The following ASXL3 variants were observed in gnomAD, a reference collection of about 807,000 sequenced individuals.
ASXL3 encodes ASXL transcriptional regulator 3.
In ASXL3, 34 loss-of-function variants were observed where a neutral mutation model predicts 170.6. The ratio of observed to expected loss-of-function variants is 0.20; its 90% CI spans 0.15 to 0.27. The LOEUF is 0.27. ASXL3 is among the 10% of genes least tolerant of loss of function. The pLI, the probability that ASXL3 is intolerant of heterozygous loss-of-function variation, is 1.00. For missense variants in ASXL3, 2,592 were observed against 2,695.3 expected (o/e 0.96, Z 0.85); for synonymous variants, 1,002 against 989.1 (o/e 1.01, Z -0.24).
At position 33,734,516 on chromosome 18, in the gene ASXL3, C is replaced by T. The variant is rs1599557637; in HGVS notation, c.1082+101C>T. ...TCATATGCTGTAAAACTTAATAAAC[C>T]TGTGATAAAAGGCAATAGTCCCTCA... is the stretch of plus-strand genomic sequence containing the variant. On this transcript the variant is annotated intron_variant, in intron 10 of 11. Transcript: ENST00000269197. The T allele has an allele frequency of 7.8e-6, 5 of 644,102 alleles. No individual in the cohort carries two copies. In the East Asian group the frequency reaches 9.9e-5, roughly 13 times the overall value. The allele number at this position is 644,102 out of a possible 1,614,324, so 39.9% of individuals were successfully genotyped here. A position where few individuals can be genotyped will look rare whatever the true frequency, so the allele number is the denominator to read the frequency against.
chr18:33,676,726 G>A (rs181852929), intron 7 of ASXL3, among the ~76,000 whole-genome samples: 4 of 152,190 alleles, frequency 2.6e-5, no homozygotes, highest in East Asian at 1.9e-4. Context: ...CTGCAAATGC[G>A]GTTTGAAGCA....
intron 8 of ASXL3, among the ~76,000 whole-genome samples, chr18:33,690,751 A>T (rs1199944199): frequency 6.6e-6 from 1 of 152,152 alleles, no homozygotes; most frequent in Non-Finnish European, 1.5e-5. Flanking sequence ...GTAGGTAGCC[A>T]GTCTTCCATC....
intron 5 of ASXL3, among the ~76,000 whole-genome samples, chr18:33,669,296 A>G (rs2066305458): frequency 6.6e-6 from 1 of 152,210 alleles, no homozygotes; most frequent in Admixed American, 6.5e-5. Flanking sequence ...AAAGGTGAGA[A>G]GGATGGCATC....
intron 2 of ASXL3, among the ~76,000 whole-genome samples, chr18:33,611,631 G>A (rs998988830): frequency 1.3e-5 from 2 of 152,158 alleles, no homozygotes; most frequent in South Asian, 4.1e-4. Context: ...CTGCTTTTGT[G>A]GATGGATATT....
chr18:33,581,817 T>A (rs190774398), intron 1 of ASXL3, among the ~76,000 whole-genome samples: 1 of 152,324 alleles, frequency 6.6e-6, no homozygotes, highest in Non-Finnish European at 1.5e-5. Context: ...TTGTATGTGT[T>A]AGGCTTGCTT....
chr18:33,687,569 A>G (rs1195051406), intron 8 of ASXL3, among the ~76,000 whole-genome samples: 1 of 152,176 alleles, frequency 6.6e-6, no homozygotes, highest in Non-Finnish European at 1.5e-5. Flanking sequence ...TCTGGACCCA[A>G]ATGAAACGGG....
intron 8 of ASXL3, among the ~76,000 whole-genome samples, chr18:33,729,420 T>C (rs942396625): frequency 2.0e-5 from 3 of 152,148 alleles, no homozygotes; most frequent in African/African-American, 7.2e-5. Context: ...TAGAGTGTTA[T>C]AGACTTATGT....
At position 33,739,977 on chromosome 18, in the gene ASXL3, C is replaced by G. The variant is rs201857567; in HGVS notation, c.2573C>G (p.Thr858Ser). ...YPASIPELAS[T>S]EMIKVKNHSV... is the part of the protein sequence containing the mutation. ...GCTTCAATTCCAGAACTTGCTTCTA[C>G]TGAAATGATAAAAGTTAAAAATCAT... Residue 858 changes from threonine (T) to serine (S), a missense_variant, in exon 11 of 12, where the codon ACT becomes AGT. Coordinates refer to ENST00000269197, the MANE Select transcript of ASXL3 (RefSeq NM_030632.3). 1 of 1,613,822 alleles carries G rather than the reference C, an allele frequency of 6.2e-7. No individual in the cohort carries two copies. The highest frequency in any genetic ancestry group is 2.2e-5 in the East Asian group (1 of 44,878).
rs932683225 is a variant in ASXL3, at chr18:33,749,320, T to G, written c.*2725T>G. On this transcript the variant is annotated 3_prime_UTR_variant, in exon 12 of 12. Transcript: ENST00000269197. Reference sequence around the variant, plus strand: ...ATGTGTCTGCTATGTGCAAATGTAGTATATTATTTACTACATGGTTATTGT... The same window carrying G: ...ATGTGTCTGCTATGTGCAAATGTAGGATATTATTTACTACATGGTTATTGT... The G allele has an allele frequency of 5.3e-5, 8 of 152,128 alleles. No homozygotes were observed. In the East Asian group the frequency reaches 1.5e-3, roughly 29 times the overall value. 9.4% of individuals were successfully genotyped at this position (152,128 alleles called of 1,614,324 possible). A position where few individuals can be genotyped will look rare whatever the true frequency, so the allele number is the denominator to read the frequency against.
At chr18:33,618,621 A>C (rs1381696607) in intron 2 of ASXL3, among the ~76,000 whole-genome samples, 1 of 152,126 alleles carries the variant, frequency 6.6e-6, no homozygotes, top group East Asian at 1.9e-4. Context: ...TATTCAGCAC[A>C]TTCTGTGTTC....
chr18:33,637,887 C>G (rs2065792340), intron 2 of ASXL3, among the ~76,000 whole-genome samples: 1 of 152,036 alleles, frequency 6.6e-6, no homozygotes, highest in African/African-American at 2.4e-5. Context: ...CTGCTGAGTC[C>G]CCTGTCATTT....
chr18:33,674,138 A>G (rs2066389702), intron 7 of ASXL3, among the ~76,000 whole-genome samples: 1 of 152,230 alleles, frequency 6.6e-6, no homozygotes, highest in African/African-American at 2.4e-5. Flanking sequence ...GACACAGCTA[A>G]GTGATACAAA....
In ASXL3 at chr18:33,579,228, GT is replaced by G. The variant is rs201900856; in HGVS notation, c.54+544del. The G allele has an allele frequency of 7.3e-3, 1,112 of 152,758 alleles. 5 individuals carry two copies. The highest frequency in any genetic ancestry group is 0.012 in the Non-Finnish European group (796 of 68,328). The allele number at this position is 152,758 out of a possible 1,614,324, so 9.5% of individuals were successfully genotyped here. A position where few individuals can be genotyped will look rare whatever the true frequency, so the allele number is the denominator to read the frequency against. The stretch of plus-strand genomic sequence containing the variant: ...GTTGCGTGTCTGTGTGCCATGTCGT[GT>G]GCATTATGTGTGCACACTGATACGT... On this transcript the variant is annotated intron_variant, in intron 1 of 11. Coordinates refer to ENST00000269197, the MANE Select transcript of ASXL3 (RefSeq NM_030632.3).
chr18:33,652,240 T>C (rs2066009954), intron 4 of ASXL3, among the ~76,000 whole-genome samples: 1 of 152,046 alleles, frequency 6.6e-6, no homozygotes, highest in East Asian at 1.9e-4. Context: ...AATACATTGA[T>C]ATATCGTGAG....
chr18:33,746,692 A>AATTT lies in ASXL3; in HGVS notation c.*102_*105dup. Reference sequence around the variant, plus strand: ...ATAATGCAGTGGTTTCTATCATGCTAATTTATTTTGCTTTGGAGCAGGTAC... The same window carrying AATTT: ...ATAATGCAGTGGTTTCTATCATGCTAATTTATTTATTTTGCTTTGGAGCAGGTAC... On this transcript the variant is annotated 3_prime_UTR_variant, in exon 12 of 12. Transcript: ENST00000269197. 1.4e-6 allele frequency: 2 copies of AATTT among 1,471,420 alleles called. No homozygotes were observed. The highest frequency in any genetic ancestry group is 1.8e-6 in the Non-Finnish European group (2 of 1,118,010). 91.1% of individuals were successfully genotyped at this position (1,471,420 alleles called of 1,614,324 possible).
intron 1 of ASXL3, among the ~76,000 whole-genome samples, chr18:33,592,541 C>T (rs1040503294): frequency 2.0e-5 from 3 of 152,008 alleles, no homozygotes; most frequent in African/African-American, 4.8e-5. Flanking sequence ...TCGCAGAAGC[C>T]GGTGACAAGA....
At chr18:33,736,184 A>G (rs1374361881) in intron 10 of ASXL3, among the ~76,000 whole-genome samples, 6 of 152,108 alleles carry the variant, frequency 3.9e-5, no homozygotes, top group South Asian at 2.1e-4. Context: ...ATTCACATAC[A>G]TGCACAATTT....
intron 1 of ASXL3, among the ~76,000 whole-genome samples, chr18:33,593,280 T>TA: frequency 6.7e-6 from 1 of 148,966 alleles, no homozygotes; most frequent in South Asian, 2.1e-4. Flanking sequence ...TTTTTTTTTT[T>TA]TGGCCTAGGG....
intron 4 of ASXL3, among the ~76,000 whole-genome samples, chr18:33,648,758 A>G (rs749665142): frequency 1.3e-5 from 2 of 152,096 alleles, no homozygotes; most frequent in Non-Finnish European, 2.9e-5. Flanking sequence ...TGGAGAGAGT[A>G]TAGAAAACAG....
Sources: gnomAD v4.1 joint callset for allele counts (sites outside exome capture counted in the v4.1 genomes callset) on GRCh38, gnomAD v4.1.1 for gene constraint, MANE v1.5 for transcripts, NCBI Gene and HGNC (gene_info 2026-07-23, HGNC 2026-07-21) for gene names.